DENND3: variants seen among roughly 807,000 people sequenced by gnomAD.
The protein encoded by DENND3 is DENN domain-containing protein 3.
A neutral mutation model predicts 135.1 loss-of-function variants in DENND3; 88 were observed. That is an observed-to-expected ratio of 0.65 (90% CI 0.55 to 0.78). DENND3 has a LOEUF of 0.78. Ranked by LOEUF, DENND3 falls within the 30% of genes least tolerant of loss-of-function variation. The pLI, the probability that DENND3 is intolerant of heterozygous loss-of-function variation, is 0.00. For missense variants in DENND3, 1,392 were observed against 1,688.4 expected (o/e 0.82, Z 3.08); for synonymous variants, 693 against 712.3 (o/e 0.97, Z 0.43).
chr8:141,189,196 C>T (rs1166649341), intron 19 of DENND3, 50 bp downstream of exon 19: 4 of 1,612,082 alleles, frequency 2.5e-6, no homozygotes, highest in Middle Eastern at 1.7e-4. Context: ...TGTGGGTGGG[C>T]AGAAGGCACA....
chr8:141,177,572 G>A (rs928678979), intron 15 of DENND3: 5 of 152,846 alleles, frequency 3.3e-5, no homozygotes, highest in African/African-American at 1.2e-4. Flanking sequence ...AGGGCAGAGG[G>A]GGACTGGGTC....
rs536209720 is a variant in DENND3 at position 141,170,404 on chromosome 8, T to C, written c.2275+1879T>C. ...ATATGAATGTGTGTGGGTGTGAAAA[T>C]GTGTATGTGTGTATATGTGTGCGAG... On this transcript the variant is annotated intron_variant, in intron 13 of 22. Transcript: ENST00000519811. Among the ~76,000 whole-genome samples, 17 of 152,036 alleles carry C rather than the reference T, an allele frequency of 1.1e-4. No homozygotes were observed. The Middle Eastern group carries it at 0.01, about 91-fold the overall frequency.
chr8:141,151,963 G>T, intron 7 of DENND3, 126 bp downstream of exon 7: 1 of 1,183,608 alleles, frequency 8.4e-7, no homozygotes, highest in East Asian at 2.5e-5. Context: ...GAGAGGTCAC[G>T]GGTACCGTGA....
At chr8:141,169,910 G>A (rs1821305784) in intron 13 of DENND3, among the ~76,000 whole-genome samples, 1 of 152,220 alleles carries the variant, frequency 6.6e-6, no homozygotes, top group Non-Finnish European at 1.5e-5. Flanking sequence ...TTCACCATCA[G>A]TGGTGTCGCA....
In DENND3 at chr8:141,167,368, C is replaced by T. The variant is rs985315399; in HGVS notation, c.1754-636C>T. ...CTGCCCTCGGAACCTTCCCCTGGAGCCCCCATGACCCTCCTCCTGCTCTCT... is the reference window on the plus strand; with the variant it reads ...CTGCCCTCGGAACCTTCCCCTGGAGTCCCCATGACCCTCCTCCTGCTCTCT... On this transcript the variant is annotated intron_variant, in intron 12 of 22. Coordinates refer to ENST00000519811, the MANE Select transcript of DENND3 (RefSeq NM_001352890.3). The surrounding 1 kb of genome is among the most constrained non-coding windows in gnomAD (Gnocchi z 4.1). Among the ~76,000 whole-genome samples, 9 of 152,194 alleles carry T rather than the reference C, an allele frequency of 5.9e-5. No homozygotes were observed. The highest frequency in any genetic ancestry group is 1.0e-4 in the Non-Finnish European group (7 of 68,030).
rs559642778 is a variant in DENND3, at chr8:141,175,633, A to T, written c.2535+174A>T. 3.3e-5 allele frequency: 30 copies of T among 916,418 alleles called. No individual in the cohort carries two copies. In the South Asian group the frequency reaches 3.5e-4, roughly 11 times the overall value. 56.8% of individuals were successfully genotyped at this position (916,418 alleles called of 1,614,324 possible). ...CATCTGTAAAGTAGGAATAAGGCTG[A>T]TACCTTCTCAGTGGGTGGTGGAGAT... On this transcript the variant is annotated intron_variant, in intron 14 of 22. Coordinates refer to ENST00000519811, the MANE Select transcript of DENND3 (RefSeq NM_001352890.3). This position sits in a 1 kb window ranked among gnomAD's most constrained non-coding sequence, Gnocchi z 5.4.
rs77569580 is a variant in DENND3, at chr8:141,140,582, G to A, written c.502-621G>A. On this transcript the variant is annotated intron_variant, in intron 3 of 22. Coordinates refer to ENST00000519811, the MANE Select transcript of DENND3 (RefSeq NM_001352890.3). ...ATTAAATTTTGTTAGATAGACAAAT[G>A]ATGTAGCTGACTGTTTCCTGATGTC... Among the ~76,000 whole-genome samples, 25 of 152,342 alleles carry A rather than the reference G, an allele frequency of 1.6e-4. No homozygotes were observed. The East Asian group carries it at 4.8e-3, about 29-fold the overall frequency.
At chr8:141,178,460 C>T (rs1478768185) in intron 16 of DENND3, among the ~76,000 whole-genome samples, 3 of 152,240 alleles carry the variant, frequency 2.0e-5, no homozygotes, top group Non-Finnish European at 2.9e-5. Flanking sequence ...ATGTACACTG[C>T]AAGCATTTGT....
rs751175845 is a variant in DENND3 at position 141,194,284 on chromosome 8, T to A, written c.*51T>A. On this transcript the variant is annotated 3_prime_UTR_variant, in exon 23 of 23. Transcript: ENST00000519811. ...CTGTGCCCTATGTGTGGGGACTGGC[T>A]GCCCCCTAGAGCCTGCCAGGAGCAG... 1 of 1,578,392 alleles carries A rather than the reference T, an allele frequency of 6.3e-7. No individual in the cohort carries two copies. The highest frequency in any genetic ancestry group is 8.6e-7 in the Non-Finnish European group (1 of 1,161,184).
rs1453061387 is a variant in DENND3 at position 141,189,133 on chromosome 8, C to T, written c.3232C>T (p.Gln1078Ter). Residue 1078 changes from glutamine to a stop codon, truncating the protein, a stop_gained, in exon 19 of 23, where the codon CAG (glutamine) becomes TAG (stop). Transcript: ENST00000519811. LOFTEE classifies it high-confidence loss of function. ...CACGGATTTGATTGTGCAGGACGGA[C>T]AGGAGGCACCCAGGTGCAGTAAGCT... ...SVTDLIVQDG[Q>*]EAPSNVYSCS... 1 of 1,614,088 alleles carries T rather than the reference C, an allele frequency of 6.2e-7. No individual in the cohort carries two copies. Among genetic ancestry groups the T allele is most frequent in the Non-Finnish European group, 8.5e-7 (1 of 1,180,030 alleles).
At chr8:141,153,294 A>G (rs1819036209) in intron 7 of DENND3, among the ~76,000 whole-genome samples, 1 of 151,920 alleles carries the variant, frequency 6.6e-6, no homozygotes, top group Admixed American at 6.6e-5. Flanking sequence ...GGGTTTCACC[A>G]TGTTGCCCAG....
chr8:141,152,073 C>T lies in DENND3; in HGVS notation c.1074+236C>T, dbSNP rs1434494152. Among the ~76,000 whole-genome samples, 12 of 152,234 alleles carry T rather than the reference C, an allele frequency of 7.9e-5. 1 individual carries two copies. Among genetic ancestry groups the T allele is most frequent in the Admixed American group, 7.9e-4 (12 of 15,284 alleles). On this transcript the variant is annotated intron_variant, in intron 7 of 22. Coordinates refer to ENST00000519811, the MANE Select transcript of DENND3 (RefSeq NM_001352890.3). Reference sequence around the variant, plus strand: ...ACAGTGAGTGTGCCCACCTCATTGTCCCGGTGAGGGCCGAGTGAGGCAGTA... The same window carrying T: ...ACAGTGAGTGTGCCCACCTCATTGTTCCGGTGAGGGCCGAGTGAGGCAGTA...
chr8:141,191,599 G>A (rs1824767294), intron 20 of DENND3: 1 of 152,322 alleles, frequency 6.6e-6, no homozygotes, highest in African/African-American at 2.4e-5. Flanking sequence ...CCCCGCGGGA[G>A]TGAAGTGGCG....
intron 16 of DENND3, among the ~76,000 whole-genome samples, chr8:141,178,424 C>T (rs1230291780): frequency 6.6e-6 from 1 of 152,226 alleles, no homozygotes; most frequent in African/African-American, 2.4e-5. Context: ...GGCACCTCGT[C>T]GTTTTAATGT....
At position 141,182,341 on chromosome 8, in the gene DENND3, G is replaced by A; in HGVS notation, c.2944+1487G>A. Reference sequence around the variant, plus strand: ...GGCAGGCCAAGAAACCCAGGAACGCGATAGACCCTGGCTGAGTGAGCAGGC... The same window carrying A: ...GGCAGGCCAAGAAACCCAGGAACGCAATAGACCCTGGCTGAGTGAGCAGGC... On this transcript the variant is annotated intron_variant, in intron 17 of 22. Coordinates refer to ENST00000519811, the MANE Select transcript of DENND3 (RefSeq NM_001352890.3). This position sits in a 1 kb window ranked among gnomAD's most constrained non-coding sequence, Gnocchi z 5.9. The A allele has an allele frequency of 1.0e-6, 1 of 985,302 alleles. No homozygotes were observed. Among genetic ancestry groups the A allele is most frequent in the African/African-American group, 1.7e-5 (1 of 57,236 alleles). 61.0% of individuals were successfully genotyped at this position (985,302 alleles called of 1,614,324 possible).
chr8:141,190,224 T>C (rs1824533950), intron 19 of DENND3, 60 bp from the exon 20 acceptor site: 1 of 1,478,660 alleles, frequency 6.8e-7, no homozygotes, highest in Admixed American at 2.3e-5. Flanking sequence ...TGGGTTAAAA[T>C]GTGCACAGTG....
rs764703669 is a variant in DENND3 at position 141,180,836 on chromosome 8, G to A, written c.2926G>A (p.Val976Met). The A allele has an allele frequency of 1.7e-5, 27 of 1,612,464 alleles. No homozygotes were observed. Among genetic ancestry groups the A allele is most frequent in the Admixed American group, 3.3e-5 (2 of 59,818 alleles). ...GGAGGCGTTCCCACAAGCGGTGGAC[G>A]TGCTGCTCTACACTCCAGGTAAGGC... is the stretch of plus-strand genomic sequence containing the variant. ...AGEAFPQAVD[V>M]LLYTPGHLDP... Residue 976 changes from valine to methionine, a missense_variant, in exon 17 of 23, where the codon GTG (valine) becomes ATG (methionine). By Grantham distance (21) the Val-to-Met change is conservative (BLOSUM62 1). Transcript: ENST00000519811.
intron 5 of DENND3, among the ~76,000 whole-genome samples, chr8:141,145,739 T>C (rs984819814): frequency 2.7e-5 from 4 of 149,776 alleles, no homozygotes; most frequent in Non-Finnish European, 1.5e-5. Flanking sequence ...AATCCTTTTA[T>C]AGAAGAATTT....
intron 8 of DENND3, among the ~76,000 whole-genome samples, chr8:141,159,012 G>A (rs1415089202): frequency 6.6e-6 from 1 of 152,250 alleles, no homozygotes; most frequent in Non-Finnish European, 1.5e-5. Context: ...CATTCTGCGT[G>A]TTCTTTCAGA....
Sources: allele counts gnomAD v4.1 joint callset (sites outside exome capture counted in the v4.1 genomes callset), GRCh38; gene constraint gnomAD v4.1.1; non-coding constraint Gnocchi (gnomAD v3.1); transcripts MANE v1.5; gene names NCBI Gene and HGNC (gene_info 2026-07-23, HGNC 2026-07-21).